The following ZNF644 variants were observed in gnomAD, a reference collection of about 807,000 sequenced individuals.
ZNF644 encodes the protein zinc finger protein 644.
ZNF644 carries 20 observed loss-of-function variants against 108.0 expected under a neutral mutation model. The observed-to-expected ratio is 0.19, with a 90% CI of 0.13 to 0.27. The LOEUF (loss-of-function observed/expected upper bound fraction) is 0.27, where lower values mean the gene tolerates loss of function less well. Ranked by LOEUF, ZNF644 falls within the 10% of genes least tolerant of loss-of-function variation. The pLI is 1.00. For synonymous variants in ZNF644, 542 were observed against 539.1 expected, an observed-to-expected ratio of 1.01 and a Z score of -0.08; for missense variants, 1,338 against 1,548.9, an observed-to-expected ratio of 0.86 and a Z score of 2.29.
chr1:91,004,262 C>T (rs1659193715), intron 1 of ZNF644, among the ~76,000 whole-genome samples: 1 of 152,074 alleles, frequency 6.6e-6, no homozygotes, highest in African/African-American at 2.4e-5. Context: ...ACACCTTAGA[C>T]ACATCATCAT....
intron 2 of ZNF644, among the ~76,000 whole-genome samples, chr1:90,977,952 T>C (rs1408222423): frequency 6.6e-6 from 1 of 152,062 alleles, no homozygotes; most frequent in African/African-American, 2.4e-5. Context: ...TTATGGGGAG[T>C]ATAGTGCTGG....
intron 2 of ZNF644, among the ~76,000 whole-genome samples, chr1:90,945,191 T>C (rs969709667): frequency 6.6e-6 from 1 of 152,126 alleles, no homozygotes; most frequent in Non-Finnish European, 1.5e-5. Context: ...AATAAACTGA[T>C]GTTTGGACTC....
At chr1:91,021,617 C>T (rs1471987864) in intron 1 of ZNF644, 1 of 160,386 alleles carries the variant, frequency 6.2e-6, no homozygotes, top group Non-Finnish European at 1.3e-5. Context: ...CCGGATCCTC[C>T]GACGCCGCAG....
At position 90,940,187 on chromosome 1, in the gene ZNF644, CTTT is replaced by C. The variant is rs1413833580; in HGVS notation, c.1164_1166del (p.Lys390del). 3 of 1,613,882 alleles carry C rather than the reference CTTT, an allele frequency of 1.9e-6. No individual in the cohort carries two copies. The South Asian group carries it at 3.3e-5, about 18-fold the overall frequency. ...ACTCAGAATCACTCTCTTCACATTT[CTTT>C]TTTAAGGTATTTGAAAGAAAAGTGC... On this transcript the variant is annotated inframe_deletion, in exon 3 of 6. Transcript: ENST00000337393.
chr1:91,020,122 T>C (rs1660768140), intron 1 of ZNF644, among the ~76,000 whole-genome samples: 1 of 152,206 alleles, frequency 6.6e-6, no homozygotes, highest in Non-Finnish European at 1.5e-5. Flanking sequence ...TGTTCTTTGA[T>C]ATTGCTTCCA....
chr1:91,020,955 C>A (rs890693213), intron 1 of ZNF644: 1 of 152,160 alleles, frequency 6.6e-6, no homozygotes, highest in Non-Finnish European at 1.5e-5. Context: ...TAAATATAAA[C>A]GTTTTTATAT....
intron 2 of ZNF644, among the ~76,000 whole-genome samples, chr1:90,969,040 C>A (rs1279291408): frequency 6.6e-6 from 1 of 152,148 alleles, no homozygotes; most frequent in Non-Finnish European, 1.5e-5. Flanking sequence ...TAATTTAACT[C>A]CACTCATTAA....
At chr1:90,927,650 G>A (rs895103190) in intron 4 of ZNF644, among the ~76,000 whole-genome samples, 3 of 152,096 alleles carry the variant, frequency 2.0e-5, no homozygotes, top group Admixed American at 1.3e-4. Context: ...GCAGATAAAT[G>A]TATACACATA....
intron 1 of ZNF644, among the ~76,000 whole-genome samples, chr1:91,015,417 C>A (rs531634003): frequency 6.6e-6 from 1 of 152,122 alleles, no homozygotes; most frequent in African/African-American, 2.4e-5. Flanking sequence ...ACCTACCAGC[C>A]ACTCCTCACT....
intron 4 of ZNF644, among the ~76,000 whole-genome samples, chr1:90,924,232 C>T (rs1649775947): frequency 6.6e-6 from 1 of 152,146 alleles, no homozygotes; most frequent in South Asian, 2.1e-4. Context: ...CGTATTACTT[C>T]TTTGTGGTGA....
chr1:91,000,452 G>A (rs532227954), intron 1 of ZNF644, among the ~76,000 whole-genome samples: 8 of 152,198 alleles, frequency 5.3e-5, no homozygotes, highest in East Asian at 1.9e-4. Flanking sequence ...GGTACATAAC[G>A]AAATGAAGGC....
At chr1:90,945,643 C>T (rs1293967431) in intron 2 of ZNF644, among the ~76,000 whole-genome samples, 1 of 152,078 alleles carries the variant, frequency 6.6e-6, no homozygotes. Context: ...CATAATTATT[C>T]TGTAATCCCT....
rs554188812 is a variant in ZNF644 at position 90,949,842 on chromosome 1, G to C, written c.45-8533C>G. ...CCCACATGGATATCCAGGGTTGAAT[G>C]TATGTTACTGATTTTTAGTTAGCAG... is the stretch of plus-strand genomic sequence containing the variant. On this transcript the variant is annotated intron_variant, in intron 2 of 5. Coordinates refer to ENST00000337393, the MANE Select transcript of ZNF644 (RefSeq NM_201269.3). 2.0e-5 allele frequency among the ~76,000 whole-genome samples: 3 copies of C among 152,306 alleles called. No homozygotes were observed. In the East Asian group the frequency reaches 5.8e-4, roughly 29 times the overall value.
At chr1:91,003,298 T>C (rs1469915863) in intron 1 of ZNF644, among the ~76,000 whole-genome samples, 1 of 152,128 alleles carries the variant, frequency 6.6e-6, no homozygotes, top group Non-Finnish European at 1.5e-5. Context: ...CCATCAATGA[T>C]AGACTGGATT....
chr1:90,919,256 G>C (rs554560742), intron 4 of ZNF644, among the ~76,000 whole-genome samples: 160 of 152,184 alleles, frequency 1.1e-3, no homozygotes, highest in African/African-American at 3.5e-3. Context: ...TCCAAGGGGG[G>C]AGGGATACAA....
Position 90,916,759 on chromosome 1 carries a change from C to T in ZNF644, c.*39G>A. 6.2e-7 allele frequency: 1 copy of T among 1,603,058 alleles called. No homozygotes were observed. The highest frequency in any genetic ancestry group is 8.5e-7 in the Non-Finnish European group (1 of 1,170,926). ...TTAAAAAAAAAGAATTTCAAATTTACATCCAATTCAAACTGGCTATTTAAA... is the reference window on the plus strand; with the variant it reads ...TTAAAAAAAAAGAATTTCAAATTTATATCCAATTCAAACTGGCTATTTAAA... On this transcript the variant is annotated 3_prime_UTR_variant, in exon 6 of 6. Coordinates refer to ENST00000337393, the MANE Select transcript of ZNF644 (RefSeq NM_201269.3).
At position 90,938,402 on chromosome 1, in the gene ZNF644, C is replaced by A; in HGVS notation, c.2952G>T (p.Gly984=). Residue 984 remains glycine, a synonymous_variant, in exon 3 of 6, where the codon GGG becomes GGT. Coordinates refer to ENST00000337393, the MANE Select transcript of ZNF644 (RefSeq NM_201269.3). This position sits in a 1 kb window ranked among gnomAD's most constrained non-coding sequence, Gnocchi z 4.2. ...TGVGLSNHVR[G]HLHRAGLSYE... ...AGCTTAATCCTGCTCTGTGAAGATG[C>A]CCCCTGACATGATTTGATAACCCAA... 4 of 1,613,908 alleles carry A rather than the reference C, an allele frequency of 2.5e-6. No individual in the cohort carries two copies. The highest frequency in any genetic ancestry group is 3.4e-6 in the Non-Finnish European group (4 of 1,179,886).
rs776176671 is a variant in ZNF644 at position 90,939,304 on chromosome 1, T to C, written c.2050A>G (p.Ile684Val). ...FSKIHKRPHR[I>V]QKARKSIAQS... is the part of the protein sequence containing the mutation. The stretch of plus-strand genomic sequence containing the variant: ...GCAATGCTTTTCCGAGCTTTCTGTA[T>C]TCTGTGTGGCCGCTTATGAATTTTT... The change falls in exon 3 of 6, where the codon ATA becomes GTA. Residue 684 changes from isoleucine (I) to valine (V), a missense_variant. Ile to Val is a conservative substitution (Grantham distance 29). This residue lies in a region of ZNF644 where 462 missense variants were observed against 472.6 expected (regional missense o/e 0.98). Coordinates refer to ENST00000337393, the MANE Select transcript of ZNF644 (RefSeq NM_201269.3). The C allele has an allele frequency of 1.2e-5, 20 of 1,613,980 alleles. No homozygotes were observed. In the Admixed American group the frequency reaches 3.0e-4, roughly 24 times the overall value.
At chr1:90,953,298 ATTT>A (rs10586999) in intron 2 of ZNF644, among the ~76,000 whole-genome samples, 67 of 142,888 alleles carry the variant, frequency 4.7e-4, no homozygotes, top group Non-Finnish European at 4.7e-4. Flanking sequence ...ATGAGCCACC[ATTT>A]TTTTTTTTTT....
Sources: allele counts gnomAD v4.1 joint callset (sites outside exome capture counted in the v4.1 genomes callset), GRCh38; gene constraint gnomAD v4.1.1; regional missense constraint gnomAD v4.1.1; non-coding constraint Gnocchi (gnomAD v3.1); transcripts MANE v1.5; gene names NCBI Gene and HGNC (gene_info 2026-07-23, HGNC 2026-07-21).